Variants in HNF4A observed in about 807,000 individuals in gnomAD.
The protein encoded by HNF4A is hepatocyte nuclear factor 4 alpha, also known as hepatocyte nuclear factor 4-alpha.
In HNF4A, 15 loss-of-function variants were observed where a neutral mutation model predicts 52.4. The observed-to-expected ratio is 0.29, with a 90% confidence interval of 0.19 to 0.44. The LOEUF (loss-of-function observed/expected upper bound fraction) is 0.44. HNF4A is among the 20% of genes least tolerant of loss of function. The pLI, the probability that HNF4A is intolerant of heterozygous loss-of-function variation, is 1.00. For synonymous variants in HNF4A, 280 were observed against 264.4 expected, an observed-to-expected ratio of 1.06 and a Z score of -0.57; for missense variants, 479 against 647.2, an observed-to-expected ratio of 0.74 and a Z score of 2.82.
At chr20:44,379,793 G>A (rs1471123416) in intron 1 of HNF4A, among the ~76,000 whole-genome samples, 1 of 150,234 alleles carries the variant, frequency 6.7e-6, no homozygotes, top group African/African-American at 2.5e-5. Flanking sequence ...GGGTGCAGTG[G>A]CGCGATCTTG....
exon 1 of HNF4A, chr20:44,355,780 G>C (rs2062850417): frequency 3.1e-6 from 5 of 1,612,842 alleles, no homozygotes; most frequent in East Asian, 2.2e-5. Context: ...CATGCCCCCA[G>C]CTCTCCGGCT....
At chr20:44,404,718 T>C (rs971208897) in intron 1 of HNF4A, among the ~76,000 whole-genome samples, 1 of 139,258 alleles carries the variant, frequency 7.2e-6, no homozygotes, top group East Asian at 2.1e-4. Flanking sequence ...TGTGTGCTTA[T>C]GTGTGGACTC....
At position 44,429,965 on chromosome 20, in the gene HNF4A, T is replaced by C. The variant is rs2146494009; in HGVS notation, c.*300T>C. The C allele has an allele frequency of 2.4e-6, 1 of 417,518 alleles. No homozygotes were observed. Among genetic ancestry groups the C allele is most frequent in the South Asian group, 3.2e-5 (1 of 31,416 alleles). 25.9% of individuals were successfully genotyped at this position (417,518 alleles called of 1,614,324 possible). Reference sequence around the variant, plus strand: ...CATCCATGTCCAACCCCCGACTTCATCCCAAAGGACAGCCGCCTGGAGATG... The same window carrying C: ...CATCCATGTCCAACCCCCGACTTCACCCCAAAGGACAGCCGCCTGGAGATG... On this transcript the variant is annotated 3_prime_UTR_variant, in exon 10 of 10. Coordinates refer to ENST00000316099, the MANE Select transcript of HNF4A (RefSeq NM_000457.6).
At chr20:44,403,271 C>T (rs1040799185) in intron 1 of HNF4A, among the ~76,000 whole-genome samples, 6 of 152,212 alleles carry the variant, frequency 3.9e-5, no homozygotes, top group South Asian at 2.1e-4. Flanking sequence ...GGCTCAAATC[C>T]GGCATAGATC....
chr20:44,399,219 G>A (rs1489413510), upstream of HNF4A, among the ~76,000 whole-genome samples: 2 of 152,178 alleles, frequency 1.3e-5, no homozygotes, highest in African/African-American at 4.8e-5. Flanking sequence ...TCATAGTGTG[G>A]GTTGCAGGGG....
chr20:44,358,429 G>A (rs1600620816), intron 1 of HNF4A, among the ~76,000 whole-genome samples: 1 of 151,720 alleles, frequency 6.6e-6, no homozygotes, highest in Admixed American at 6.6e-5. Context: ...GGCCAACATG[G>A]CAAAACCCCG....
intron 6 of HNF4A, 90 bp from the exon 7 acceptor site, chr20:44,419,631 C>G: frequency 2.4e-6 from 3 of 1,229,372 alleles, no homozygotes; most frequent in Non-Finnish European, 3.6e-6. Context: ...CCACAGGCAC[C>G]AGCTATCTTG....
chr20:44,399,777 C>T (rs971283691), upstream of HNF4A, among the ~76,000 whole-genome samples: 1 of 152,160 alleles, frequency 6.6e-6, no homozygotes, highest in African/African-American at 2.4e-5. Flanking sequence ...ATTAATTCTC[C>T]CTGTCTCTAA....
At chr20:44,369,249 CAAA>C (rs751374772) in intron 1 of HNF4A, among the ~76,000 whole-genome samples, 3 of 24,822 alleles carry the variant, frequency 1.2e-4, no homozygotes, top group African/African-American at 1.8e-4. Flanking sequence ...AACTCCATCT[CAAA>C]AAAAAAAAAA....
chr20:44,367,044 A>G (rs1223731359), intron 1 of HNF4A, among the ~76,000 whole-genome samples: 1 of 152,084 alleles, frequency 6.6e-6, no homozygotes, highest in Non-Finnish European at 1.5e-5. Context: ...CTTTATAAAA[A>G]TTAACTCCTG....
chr20:44,414,468 C>T lies in HNF4A; in HGVS notation c.493-39C>T, dbSNP rs776290793. 16 of 1,613,830 alleles carry T rather than the reference C, an allele frequency of 9.9e-6. No homozygotes were observed. In the African/African-American group the frequency reaches 1.1e-4, roughly 11 times the overall value. On this transcript the variant is annotated intron_variant, in intron 4 of 9. Transcript: ENST00000316099. ...AGGGGACAGAGAGTGCGGGAGGGCC[C>T]GGACATCTCCAGCATTTTCTTCCCT... is the stretch of plus-strand genomic sequence containing the variant.
intron 1 of HNF4A, among the ~76,000 whole-genome samples, chr20:44,405,555 TA>T (rs1481610347): frequency 4.6e-5 from 7 of 152,030 alleles, no homozygotes; most frequent in African/African-American, 1.4e-4. Context: ...CAGACCCTCC[TA>T]GGAGGCCACA....
intron 3 of HNF4A, among the ~76,000 whole-genome samples, chr20:44,410,424 T>C (rs1265485899): frequency 1.3e-5 from 2 of 152,172 alleles, no homozygotes; most frequent in Non-Finnish European, 2.9e-5. Context: ...AAGTGTTCAG[T>C]TGCCACTGTG....
At chr20:44,408,604 G>A (rs1260701209) in intron 3 of HNF4A, among the ~76,000 whole-genome samples, 4 of 152,118 alleles carry the variant, frequency 2.6e-5, no homozygotes, top group Non-Finnish European at 5.9e-5. Flanking sequence ...GTGCATGCCT[G>A]TAGTCCTAGC....
intron 4 of HNF4A, 94 bp from the exon 5 acceptor site, chr20:44,414,413 A>C (rs2063631161): frequency 6.4e-7 from 1 of 1,570,576 alleles, no homozygotes; most frequent in Non-Finnish European, 8.8e-7. Context: ...CCCCCTCCCC[A>C]CATCTGATTC....
intron 1 of HNF4A, among the ~76,000 whole-genome samples, chr20:44,365,167 G>GT (rs1033126856): frequency 6.6e-6 from 1 of 150,590 alleles, no homozygotes; most frequent in African/African-American, 2.4e-5. Context: ...TTTTTGGTTT[G>GT]TTTTTGTTTT....
At chr20:44,425,444 ACC>A (rs2063804068) in intron 8 of HNF4A, among the ~76,000 whole-genome samples, 8 of 152,202 alleles carry the variant, frequency 5.3e-5, no homozygotes, top group Admixed American at 5.2e-4. Context: ...AAGAGCCCAC[ACC>A]CACAGGATTT....
At chr20:44,407,059 A>G (rs947616722) in intron 2 of HNF4A, among the ~76,000 whole-genome samples, 4 of 152,180 alleles carry the variant, frequency 2.6e-5, no homozygotes, top group African/African-American at 9.7e-5. Context: ...CTGAGCTTTT[A>G]TAGGATGTGG....
intron 1 of HNF4A, among the ~76,000 whole-genome samples, chr20:44,392,369 A>G (rs2063311529): frequency 6.6e-6 from 1 of 152,184 alleles, no homozygotes; most frequent in African/African-American, 2.4e-5. Flanking sequence ...AAGGCTTTCC[A>G]GGTTCAAATT....
Sources: allele counts gnomAD v4.1 joint callset (sites outside exome capture counted in the v4.1 genomes callset), GRCh38; gene constraint gnomAD v4.1.1; transcripts MANE v1.5; gene names NCBI Gene and HGNC (gene_info 2026-07-23, HGNC 2026-07-21).